Variants in GSPT2 observed in about 807,000 individuals in gnomAD.
GSPT2 encodes G1 to S phase transition 2, also known as eukaryotic peptide chain release factor GTP-binding subunit ERF3B.
In GSPT2, 2 loss-of-function variants were observed where a neutral mutation model predicts 24.6. The ratio of observed to expected loss-of-function variants is 0.08; its 90% CI spans 0.03 to 0.26. GSPT2 has a LOEUF of 0.26. Ranked by LOEUF, GSPT2 falls within the 10% of genes least tolerant of loss-of-function variation. GSPT2 has a pLI of 1.00. For synonymous variants in GSPT2, 194 were observed against 189.3 expected, an observed-to-expected ratio of 1.02 and a Z score of -0.20; for missense variants, 322 against 489.6, an observed-to-expected ratio of 0.66 and a Z score of 3.23.
rs1252619602 is a variant in GSPT2 at position 51,743,664 on chromosome X, A to G, written c.38A>G (p.Asp13Gly). ...SGSSSSDSAPDCWDQVDMESP... is the reference protein window; with the variant it reads ...SGSSSSDSAPGCWDQVDMESP... ...AGCAGCAGCAGCGACTCGGCGCCCG[A>G]TTGCTGGGACCAGGTGGACATGGAA... The change falls in exon 1 of 1, where the codon GAT becomes GGT. Residue 13 changes from aspartate (D) to glycine (G), a missense_variant. By Grantham distance (94) the Asp-to-Gly change is moderately conservative. Coordinates refer to ENST00000340438, the MANE Select transcript of GSPT2 (RefSeq NM_018094.5). 5 of 1,202,431 alleles carry G rather than the reference A, an allele frequency of 4.2e-6. No homozygotes were observed. The highest frequency in any genetic ancestry group is 5.6e-6 in the Non-Finnish European group (5 of 891,623).
Position 51,743,622 on chromosome X carries a change from A to T in GSPT2, c.-5A>T. The T allele has an allele frequency of 8.4e-7, 1 of 1,186,851 alleles. No homozygotes were observed. Among genetic ancestry groups the T allele is most frequent in the East Asian group, 3.0e-5 (1 of 33,631 alleles). On this transcript the variant is annotated 5_prime_UTR_variant, in exon 1 of 1. Coordinates refer to ENST00000340438, the MANE Select transcript of GSPT2 (RefSeq NM_018094.5). ...CCTCACTGCCACACAGCAAGTTCCGAGACCATGGATTCGGGCAGCAGCAGC... is the reference window on the plus strand; with the variant it reads ...CCTCACTGCCACACAGCAAGTTCCGTGACCATGGATTCGGGCAGCAGCAGC...
At position 51,743,855 on chromosome X, in the gene GSPT2, A is replaced by T. The variant is rs143465463; in HGVS notation, c.229A>T (p.Thr77Ser). Residue 77 changes from threonine (T) to serine (S), a missense_variant, in exon 1 of 1, where the codon ACT becomes TCT. Thr to Ser is a moderately conservative substitution (Grantham distance 58). Transcript: ENST00000340438. ...CGTGCCGTCCTTCCTGCGGGGCCCG[A>T]CTCAGCCGCCCACCCTCCCGGCCGG... ...EFVPSFLRGPTQPPTLPAGSG... is the reference protein window; with the variant it reads ...EFVPSFLRGPSQPPTLPAGSG... The T allele has an allele frequency of 6.6e-6, 8 of 1,205,720 alleles. No individual in the cohort carries two copies. The African/African-American group carries it at 1.2e-4, about 18-fold the overall frequency.
chrX:51,745,810 A>G lies in GSPT2; in HGVS notation c.*297A>G, dbSNP rs1365875294. On this transcript the variant is annotated 3_prime_UTR_variant, in exon 1 of 1. Transcript: ENST00000340438. ...CAGTAATGAAAAATTAATGTACTTT[A>G]ATTTTTCATTTTCTTTTAGGATATT... 1 of 256,741 alleles carries G rather than the reference A, an allele frequency of 3.9e-6. No individual in the cohort carries two copies. The highest frequency in any genetic ancestry group is 7.1e-6 in the Non-Finnish European group (1 of 140,027). The allele number at this position is 256,741 out of a possible 1,213,427, so 21.2% of individuals were successfully genotyped here.
Position 51,744,721 on chromosome X carries a change from A to C in GSPT2, c.1095A>C (p.Glu365Asp). Residue 365 changes from glutamate (E) to aspartate (D), a missense_variant, in exon 1 of 1, where the codon GAA becomes GAC. This residue lies in a region of GSPT2 where 117 missense variants were observed against 204.1 expected (regional missense o/e 0.57). Coordinates refer to ENST00000340438, the MANE Select transcript of GSPT2 (RefSeq NM_018094.5). The part of the protein sequence containing the change: ...TVNWSIERYE[E>D]CKEKLVPFLK... ...ATTGGAGCATCGAGAGATATGAAGA[A>C]TGTAAAGAAAAACTGGTGCCCTTTT... 1 of 1,210,618 alleles carries C rather than the reference A, an allele frequency of 8.3e-7. No individual in the cohort carries two copies. Among genetic ancestry groups the C allele is most frequent in the South Asian group, 1.8e-5 (1 of 56,962 alleles).
rs781866514 is a variant in GSPT2, at chrX:51,743,505, G to T, written c.-122G>T. On this transcript the variant is annotated 5_prime_UTR_variant, in exon 1 of 1. Transcript: ENST00000340438. ...GGCGCTTAGCTGCCTCCGCGGTGCA[G>T]CTAAGGTTCGTGTCGCTACCCCTTG... The T allele has an allele frequency of 1.1e-5, 6 of 565,890 alleles. No homozygotes were observed. Among genetic ancestry groups the T allele is most frequent in the Non-Finnish European group, 1.6e-5 (6 of 363,989 alleles). 46.6% of individuals were successfully genotyped at this position (565,890 alleles called of 1,213,427 possible).
Position 51,743,761 on chromosome X carries a change from C to G in GSPT2, c.135C>G (p.Ser45Arg). The G allele has an allele frequency of 8.3e-7, 1 of 1,211,710 alleles. No homozygotes were observed. The highest frequency in any genetic ancestry group is 1.1e-6 in the Non-Finnish European group (1 of 895,331). Residue 45 changes from serine to arginine, a missense_variant, in exon 1 of 1, where the codon AGC becomes AGG. Coordinates refer to ENST00000340438, the MANE Select transcript of GSPT2 (RefSeq NM_018094.5). ...AVAEAQREPL[S>R]SAFSRKLNVN... The stretch of plus-strand genomic sequence containing the variant: ...CCGAGGCCCAGCGCGAGCCCCTCAG[C>G]TCGGCTTTCAGCCGTAAGCTCAACG...
Position 51,743,555 on chromosome X carries a change from C to T in GSPT2, c.-72C>T, listed in dbSNP as rs1365337368. 1 of 988,821 alleles carries T rather than the reference C, an allele frequency of 1.0e-6. No individual in the cohort carries two copies. Among genetic ancestry groups the T allele is most frequent in the Non-Finnish European group, 1.4e-6 (1 of 725,637 alleles). 81.5% of individuals were successfully genotyped at this position (988,821 alleles called of 1,213,427 possible). On this transcript the variant is annotated 5_prime_UTR_variant, in exon 1 of 1. Transcript: ENST00000340438. ...GGCCCTTCGCTCTTGCTGCCTTAAC[C>T]CCGCCGGCGGAGCCCGCTCTTCTGG...
At position 51,745,879 on chromosome X, in the gene GSPT2, G is replaced by A. The variant is rs1923983710; in HGVS notation, c.*366G>A. 1 of 159,308 alleles carries A rather than the reference G, an allele frequency of 6.3e-6. No homozygotes were observed. Among genetic ancestry groups the A allele is most frequent in the African/African-American group, 3.1e-5 (1 of 32,059 alleles). The allele number at this position is 159,308 out of a possible 1,213,427, so 13.1% of individuals were successfully genotyped here. ...CGCAAACCAGAGTGTGTCAGTGTTT[G>A]TGTGTGTGTTAAAATGATAACTAAC... On this transcript the variant is annotated 3_prime_UTR_variant, in exon 1 of 1. Transcript: ENST00000340438.
rs781840962 is a variant in GSPT2 at position 51,743,582 on chromosome X, C to G, written c.-45C>G. On this transcript the variant is annotated 5_prime_UTR_variant, in exon 1 of 1. Transcript: ENST00000340438. ...CGCCGGCGGAGCCCGCTCTTCTGGC[C>G]TGTTGAGCCCGCTCCCTCACTGCCA... 9.0e-7 allele frequency: 1 copy of G among 1,105,877 alleles called. No homozygotes were observed. Among genetic ancestry groups the G allele is most frequent in the African/African-American group, 1.8e-5 (1 of 54,794 alleles). 91.1% of individuals were successfully genotyped at this position (1,105,877 alleles called of 1,213,427 possible).
chrX:51,743,466 G>A lies in GSPT2; in HGVS notation c.-161G>A. On this transcript the variant is annotated 5_prime_UTR_variant, in exon 1 of 1. Transcript: ENST00000340438. ...CATATCTGCTGCTGCCGCCGCAGTT[G>A]CGAATGCAGCATCGGCGCTTAGCTG... The A allele has an allele frequency of 2.3e-6, 1 of 430,766 alleles. No homozygotes were observed. The highest frequency in any genetic ancestry group is 4.0e-5 in the East Asian group (1 of 25,287). 35.5% of individuals were successfully genotyped at this position (430,766 alleles called of 1,213,427 possible). A position where few individuals can be genotyped will look rare whatever the true frequency, so the allele number is the denominator to read the frequency against.
In GSPT2 at chrX:51,746,121, T is replaced by A. The variant is rs1923988912; in HGVS notation, c.*608T>A. 8.1e-6 allele frequency: 1 copy of A among 124,037 alleles called. No individual in the cohort carries two copies. The allele number at this position is 124,037 out of a possible 1,213,427, so 10.2% of individuals were successfully genotyped here. On this transcript the variant is annotated 3_prime_UTR_variant, in exon 1 of 1. Transcript: ENST00000340438. Reference sequence around the variant, plus strand: ...ATAAGTGTGTATTAAAGGAATAATTTTAATTTTGAGAAAAAAACGTATGTT... The same window carrying A: ...ATAAGTGTGTATTAAAGGAATAATTATAATTTTGAGAAAAAAACGTATGTT...
rs782492592 is a variant in GSPT2, at chrX:51,744,857, T to C, written c.1231T>C (p.Leu411=). 1.7e-6 allele frequency: 2 copies of C among 1,209,274 alleles called. No homozygotes were observed. The highest frequency in any genetic ancestry group is 2.2e-6 in the Non-Finnish European group (2 of 893,398). The change falls in exon 1 of 1, where the codon TTA becomes CTA. Residue 411 remains leucine, a synonymous_variant. Coordinates refer to ENST00000340438, the MANE Select transcript of GSPT2 (RefSeq NM_018094.5). ...AGATTTCTGCCCTTGGTACACTGGA[T>C]TACCATTTATTCCGTATTTGGATAA... ...QSDFCPWYTG[L]PFIPYLDNLP...
rs782749160 is a variant in GSPT2 at position 51,744,333 on chromosome X, A to G, written c.707A>G (p.Glu236Gly). 1.6e-5 allele frequency: 19 copies of G among 1,210,717 alleles called. 1 individual carries two copies. The highest frequency in any genetic ancestry group is 1.9e-5 in the Non-Finnish European group (17 of 894,528). The change falls in exon 1 of 1, where the codon GAG becomes GGG. Residue 236 changes from glutamate to glycine, a missense_variant. Glu to Gly is a moderately conservative substitution (Grantham distance 98). This residue lies in a region of GSPT2 where 72 missense variants were observed against 121.5 expected (regional missense o/e 0.59). Coordinates refer to ENST00000340438, the MANE Select transcript of GSPT2 (RefSeq NM_018094.5). ...LTGMVDKRTL[E>G]KYEREAKEKN... is the part of the protein sequence containing the mutation. ...GGAATGGTTGACAAAAGAACACTGGAGAAATATGAAAGAGAAGCTAAGGAA... is the reference window on the plus strand; with the variant it reads ...GGAATGGTTGACAAAAGAACACTGGGGAAATATGAAAGAGAAGCTAAGGAA...
At position 51,743,734 on chromosome X, in the gene GSPT2, G is replaced by A. The variant is rs782511167; in HGVS notation, c.108G>A (p.Val36=). The A allele has an allele frequency of 5.2e-5, 63 of 1,209,488 alleles. No individual in the cohort carries two copies. In the South Asian group the frequency reaches 1.1e-3, roughly 20 times the overall value. ...APSGDGVSSA[V]AEAQREPLSS... Reference sequence around the variant, plus strand: ...GCGGGGATGGAGTCTCCTCTGCGGTGGCCGAGGCCCAGCGCGAGCCCCTCA... The same window carrying A: ...GCGGGGATGGAGTCTCCTCTGCGGTAGCCGAGGCCCAGCGCGAGCCCCTCA... The change falls in exon 1 of 1, where the codon GTG becomes GTA. Residue 36 remains valine, a synonymous_variant. Transcript: ENST00000340438.
chrX:51,743,848 G>A lies in GSPT2; in HGVS notation c.222G>A (p.Arg74=). The A allele has an allele frequency of 8.3e-7, 1 of 1,208,901 alleles. No individual in the cohort carries two copies. Residue 74 remains arginine, a synonymous_variant, in exon 1 of 1, where the codon CGG becomes CGA. Transcript: ENST00000340438. The part of the protein sequence containing the change: ...HAAEFVPSFL[R]GPTQPPTLPA... ...CGGAGTTCGTGCCGTCCTTCCTGCGGGGCCCGACTCAGCCGCCCACCCTCC... is the reference window on the plus strand; with the variant it reads ...CGGAGTTCGTGCCGTCCTTCCTGCGAGGCCCGACTCAGCCGCCCACCCTCC...
rs367676302 is a variant in GSPT2, at chrX:51,744,206, G to T, written c.580G>T (p.Val194Leu). The change falls in exon 1 of 1, where the codon GTA becomes TTA. Residue 194 changes from valine to leucine, a missense_variant. Physicochemically the swap from Val to Leu is conservative, Grantham distance 32. Transcript: ENST00000340438. ...EEIRKSKSVI[V>L]PSGAPKKEHV... is the part of the protein sequence containing the mutation. ...AATAAGAAAATCCAAATCTGTGATC[G>T]TACCCTCAGGTGCACCTAAGAAAGA... is the stretch of plus-strand genomic sequence containing the variant. 2.5e-6 allele frequency: 3 copies of T among 1,204,557 alleles called. No individual in the cohort carries two copies. The highest frequency in any genetic ancestry group is 3.4e-6 in the Non-Finnish European group (3 of 891,078).
rs1057519440 is a variant in GSPT2 at position 51,744,647 on chromosome X, G to A, written c.1021G>A (p.Val341Ile). Residue 341 changes from valine to isoleucine, a missense_variant, in exon 1 of 1, where the codon GTA (valine) becomes ATA (isoleucine). Physicochemically the swap from Val to Ile is conservative, Grantham distance 29. Coordinates refer to ENST00000340438, the MANE Select transcript of GSPT2 (RefSeq NM_018094.5). ...EHAMLAKTAGVKHLIVLINKM... is the reference protein window; with the variant it reads ...EHAMLAKTAGIKHLIVLINKM... ...TGCGATGTTGGCAAAAACGGCAGGG[G>A]TAAAACATTTAATAGTGCTTATTAA... 1.7e-6 allele frequency: 2 copies of A among 1,210,551 alleles called. No individual in the cohort carries two copies. The highest frequency in any genetic ancestry group is 2.2e-6 in the Non-Finnish European group (2 of 894,578).
Position 51,744,154 on chromosome X carries a change from C to T in GSPT2, c.528C>T (p.Gly176=), listed in dbSNP as rs1557348863. The T allele has an allele frequency of 1.7e-6, 2 of 1,208,777 alleles. No homozygotes were observed. Among genetic ancestry groups the T allele is most frequent in the South Asian group, 1.8e-5 (1 of 56,510 alleles). Residue 176 remains glycine (G), a synonymous_variant, in exon 1 of 1, where the codon GGC becomes GGT. Transcript: ENST00000340438. ...ATTCAGGGCCCCCAGAAGAAAGTGG[C>T]CAGGAAATGATGGAGGAAAAAGAGG... The part of the protein sequence containing the change: ...SGDSGPPEES[G]QEMMEEKEEI...
Position 51,743,589 on chromosome X carries a change from G to T in GSPT2, c.-38G>T, listed in dbSNP as rs1040777820. Reference sequence around the variant, plus strand: ...GGAGCCCGCTCTTCTGGCCTGTTGAGCCCGCTCCCTCACTGCCACACAGCA... The same window carrying T: ...GGAGCCCGCTCTTCTGGCCTGTTGATCCCGCTCCCTCACTGCCACACAGCA... On this transcript the variant is annotated 5_prime_UTR_variant, in exon 1 of 1. Coordinates refer to ENST00000340438, the MANE Select transcript of GSPT2 (RefSeq NM_018094.5). 4.4e-6 allele frequency: 5 copies of T among 1,139,307 alleles called. No individual in the cohort carries two copies. The highest frequency in any genetic ancestry group is 5.9e-6 in the Non-Finnish European group (5 of 849,955). 93.9% of individuals were successfully genotyped at this position (1,139,307 alleles called of 1,213,427 possible).
Sources: allele counts gnomAD v4.1 joint callset, GRCh38; gene constraint gnomAD v4.1.1; regional missense constraint gnomAD v4.1.1; transcripts MANE v1.5; gene names NCBI Gene and HGNC (gene_info 2026-07-23, HGNC 2026-07-21).